TCF7: variants seen among roughly 807,000 people sequenced by gnomAD.
TCF7 encodes the protein transcription factor 7.
TCF7 carries 19 observed loss-of-function variants against 46.8 expected under a neutral mutation model. That is an observed-to-expected ratio of 0.41 (90% CI 0.28 to 0.60). The LOEUF (loss-of-function observed/expected upper bound fraction) is 0.60. TCF7 is among the 20% of genes least tolerant of loss of function. TCF7 has a pLI of 0.35. For missense variants in TCF7, 547 were observed against 504.6 expected (o/e 1.08, Z -0.81); for synonymous variants, 245 against 213.4 (o/e 1.15, Z -1.29).
At chr5:134,132,025 C>T (rs923771594) in intron 3 of TCF7, among the ~76,000 whole-genome samples, 5 of 152,242 alleles carry the variant, frequency 3.3e-5, no homozygotes, top group Admixed American at 6.5e-5. Context: ...GTTAGGGAAG[C>T]ACTGGTTCAG....
intron 2 of TCF7, 123 bp downstream of exon 2, chr5:134,115,510 A>C: frequency 2.7e-6 from 4 of 1,473,244 alleles, no homozygotes; most frequent in Non-Finnish European, 3.6e-6. Context: ...AGGCGGCAGA[A>C]CCCAGGGGTG....
chr5:134,108,668 G>A, the TCF7 span, among the ~76,000 whole-genome samples: 19 of 152,268 alleles, frequency 1.2e-4, no homozygotes, highest in African/African-American at 4.3e-4. Context: ...GACAGGGAGA[G>A]CCAGTGTCCT....
chr5:134,113,031 C>T (rs1221777864), upstream of TCF7, among the ~76,000 whole-genome samples: 1 of 152,200 alleles, frequency 6.6e-6, no homozygotes, highest in East Asian at 1.9e-4. Flanking sequence ...TCACCCTATG[C>T]CAGACCCTAC....
intron 3 of TCF7, among the ~76,000 whole-genome samples, chr5:134,131,612 G>A (rs1273188766): frequency 6.6e-6 from 1 of 152,198 alleles, no homozygotes; most frequent in East Asian, 1.9e-4. Context: ...ACAGGTTCTG[G>A]AGGCACCGGG....
At chr5:134,132,600 A>G (rs1473010814) in intron 3 of TCF7, among the ~76,000 whole-genome samples, 1 of 152,168 alleles carries the variant, frequency 6.6e-6, no homozygotes, top group Non-Finnish European at 1.5e-5. Flanking sequence ...TTCAGAGTCA[A>G]CCGTCAGAGG....
chr5:134,138,758 C>A, intron 4 of TCF7, 193 bp from the exon 5 acceptor site: 1 of 852,954 alleles, frequency 1.2e-6, no homozygotes, highest in Non-Finnish European at 1.7e-6. Flanking sequence ...AGCCCTCTGC[C>A]CTGGGTTCCC....
At chr5:134,116,274 A>T (rs556768180) in intron 3 of TCF7, among the ~76,000 whole-genome samples, 14 of 152,332 alleles carry the variant, frequency 9.2e-5, no homozygotes, top group Admixed American at 6.5e-4. Context: ...CAGCTTGCTC[A>T]TAAGCAGGTG....
chr5:134,123,533 GA>G, intron 3 of TCF7: 1 of 385,720 alleles, frequency 2.6e-6, no homozygotes, highest in African/African-American at 2.1e-5. Flanking sequence ...GCACAGGTGA[GA>G]GGGGGAGAAC....
At position 134,145,702 on chromosome 5, in the gene TCF7, C is replaced by A. The variant is rs376530054; in HGVS notation, c.1076-522C>A. ...TACATATGCACGGTGGGAAACAACCCTGTCTTCAGGGGAAGTTCTATTCCA... is the reference window on the plus strand; with the variant it reads ...TACATATGCACGGTGGGAAACAACCATGTCTTCAGGGGAAGTTCTATTCCA... On this transcript the variant is annotated intron_variant, in intron 9 of 9. Coordinates refer to ENST00000342854, the MANE Select transcript of TCF7 (RefSeq NM_003202.5). The A allele has an allele frequency of 2.9e-5, 46 of 1,610,412 alleles. No individual in the cohort carries two copies. The African/African-American group carries it at 5.2e-4, about 18-fold the overall frequency.
rs1186610284 is a variant in TCF7, at chr5:134,114,877, C to A, written c.-30C>A. On this transcript the variant is annotated 5_prime_UTR_variant, in exon 1 of 10. Transcript: ENST00000342854. ...CGCGCCCCGCACTCCCGGCGCCCAG[C>A]GCCCCGCGCCCCGGCGGGCGGAGCG... 3 of 986,110 alleles carry A rather than the reference C, an allele frequency of 3.0e-6. No individual in the cohort carries two copies. The highest frequency in any genetic ancestry group is 5.1e-4 in the Middle Eastern group (1 of 1,956). The allele number at this position is 986,110 out of a possible 1,614,324, so 61.1% of individuals were successfully genotyped here. A position where few individuals can be genotyped will look rare whatever the true frequency, so the allele number is the denominator to read the frequency against.
At chr5:134,141,553 C>G (rs931973249) in intron 5 of TCF7, 1 of 152,404 alleles carries the variant, frequency 6.6e-6, no homozygotes, top group Non-Finnish European at 1.5e-5. Flanking sequence ...CTCACCAGGC[C>G]TGATGGGTCA....
intron 3 of TCF7, among the ~76,000 whole-genome samples, chr5:134,127,724 G>A (rs909578288): frequency 4.6e-5 from 7 of 152,210 alleles, no homozygotes; most frequent in South Asian, 2.1e-4. Context: ...TCGCTGCCCC[G>A]CCGCCTCCCA....
At chr5:134,139,202 T>A in intron 5 of TCF7, 164 bp downstream of exon 5, 1 of 1,108,936 alleles carries the variant, frequency 9.0e-7, no homozygotes, top group Non-Finnish European at 1.3e-6. Flanking sequence ...GGCTCTGAGC[T>A]AGGGGTCCTC....
chr5:134,108,653 G>C, the TCF7 span, among the ~76,000 whole-genome samples: 2,993 of 152,236 alleles, frequency 0.02, 106 homozygotes, highest in African/African-American at 0.068. Flanking sequence ...CTAGGAGAGA[G>C]GGCAGACAGG....
chr5:134,121,755 T>C (rs1480458582), intron 3 of TCF7, among the ~76,000 whole-genome samples: 3 of 152,160 alleles, frequency 2.0e-5, no homozygotes, highest in African/African-American at 7.2e-5. Context: ...TCTTTCCCAG[T>C]GTGAATGATG....
At position 134,115,891 on chromosome 5, in the gene TCF7, C is replaced by T. The variant is rs1484545964; in HGVS notation, c.317-18C>T. ...GCTGCCAGGGCTGGTGTGTCTGACCCAGCTGTGGTTTTTCCAGGCCTGAAG... is the reference window on the plus strand; with the variant it reads ...GCTGCCAGGGCTGGTGTGTCTGACCTAGCTGTGGTTTTTCCAGGCCTGAAG... On this transcript the variant is annotated intron_variant, in intron 2 of 9. Coordinates refer to ENST00000342854, the MANE Select transcript of TCF7 (RefSeq NM_003202.5). The T allele has an allele frequency of 3.7e-6, 6 of 1,613,828 alleles. No individual in the cohort carries two copies. In the Admixed American group the frequency reaches 5.0e-5, roughly 13 times the overall value.
At chr5:134,144,977 G>C (rs1760472911) in intron 9 of TCF7, 2 of 956,318 alleles carry the variant, frequency 2.1e-6, no homozygotes, top group South Asian at 1.4e-5. Context: ...CAGCCCACTA[G>C]CATACTCAGC....
At chr5:134,127,484 C>G (rs1163168253) in intron 3 of TCF7, among the ~76,000 whole-genome samples, 3 of 152,250 alleles carry the variant, frequency 2.0e-5, no homozygotes, top group Admixed American at 2.0e-4. Context: ...TGATGCAGCT[C>G]AGTGCCTGCT....
chr5:134,144,948 GC>G, intron 9 of TCF7: 1 of 1,319,156 alleles, frequency 7.6e-7, no homozygotes, highest in Non-Finnish European at 1.1e-6. Context: ...TGGGCCTGCA[GC>G]CCACTCCTTT....
Sources: gnomAD v4.1 joint callset for allele counts (sites outside exome capture counted in the v4.1 genomes callset) on GRCh38, gnomAD v4.1.1 for gene constraint, MANE v1.5 for transcripts, NCBI Gene and HGNC (gene_info 2026-07-23, HGNC 2026-07-21) for gene names.